Variants in ZNF792 observed in about 807,000 individuals in gnomAD.
ZNF792 encodes zinc finger protein 792.
A neutral mutation model predicts 13.1 loss-of-function variants in ZNF792; 14 were observed. The ratio of observed to expected loss-of-function variants is 1.07; its 90% confidence interval spans 0.71 to 1.67. ZNF792 has a LOEUF of 1.67. ZNF792 is among the 40% of genes most tolerant of loss of function. The pLI, the probability that ZNF792 is intolerant of heterozygous loss-of-function variation, is 0.00. For missense variants in ZNF792, 740 were observed against 807.9 expected, an observed-to-expected ratio of 0.92 and a Z score of 1.02; for synonymous variants, 257 against 292.0, an observed-to-expected ratio of 0.88 and a Z score of 1.22.
At chr19:34,959,601 G>A (rs117383413) in intron 3 of ZNF792, 30 bp from the exon 4 acceptor site, 15,674 of 1,513,030 alleles carry the variant, frequency 0.01, 121 homozygotes, top group South Asian at 0.024. Context: ...GGTGAAGTTC[G>A]TATAAACTTT....
intron 3 of ZNF792, among the ~76,000 whole-genome samples, chr19:34,959,928 G>C (rs901916316): frequency 3.3e-5 from 5 of 152,178 alleles, no homozygotes; most frequent in Admixed American, 2.0e-4. Context: ...CTGAGTAGCT[G>C]GTGTTCAAGC....
At chr19:34,960,379 T>C (rs371919949) in intron 2 of ZNF792, 22 bp from the exon 3 acceptor site, 1 of 1,609,350 alleles carries the variant, frequency 6.2e-7, no homozygotes, top group Non-Finnish European at 8.5e-7. Context: ...ACAGAGTGGG[T>C]CAGTGGCCAG....
Position 34,958,041 on chromosome 19 carries a change from C to G in ZNF792, c.1814G>C (p.Ser605Thr), listed in dbSNP as rs201800628. ...GCCCTGATAAGGTCTGTTCTCAGAG[C>G]TTATCTCTGGTGTGTGCTGTGAACA... is the stretch of plus-strand genomic sequence containing the variant. ...LPCSQHTPEISSENRPYQGAV... is the reference protein window; with the variant it reads ...LPCSQHTPEITSENRPYQGAV... The change falls in exon 4 of 4, where the codon AGC becomes ACC. Residue 605 changes from serine (S) to threonine (T), a missense_variant. Ser to Thr is a moderately conservative substitution (Grantham distance 58). Transcript: ENST00000404801. 4.4e-3 allele frequency: 7,142 copies of G among 1,612,892 alleles called. 320 individuals carry two copies. In the South Asian group the frequency reaches 0.07, roughly 16 times the overall value.
intron 1 of ZNF792, among the ~76,000 whole-genome samples, chr19:34,962,146 A>G (rs987306118): frequency 9.9e-5 from 15 of 152,088 alleles, no homozygotes; most frequent in African/African-American, 1.9e-4. Context: ...CATTGTCACC[A>G]TGACCTGAAG....
chr19:34,959,213 C>T lies in ZNF792; in HGVS notation c.642G>A (p.Glu214=). Residue 214 remains glutamate, a synonymous_variant, in exon 4 of 4, where the codon GAG becomes GAA. Transcript: ENST00000404801. ...CTGTGGCCACAAAGTCCTTCCCACCCTCCCTGCAGGTGGAAAGCTGATCTG... is the reference window on the plus strand; with the variant it reads ...CTGTGGCCACAAAGTCCTTCCCACCTTCCCTGCAGGTGGAAAGCTGATCTG... ...HTSDQLSTCR[E]GGKDFVATAG... The T allele has an allele frequency of 6.2e-7, 1 of 1,614,048 alleles. No individual in the cohort carries two copies. Among genetic ancestry groups the T allele is most frequent in the Non-Finnish European group, 8.5e-7 (1 of 1,179,900 alleles).
At chr19:34,961,469 G>C (rs562843240) in intron 1 of ZNF792, among the ~76,000 whole-genome samples, 218 of 152,222 alleles carry the variant, frequency 1.4e-3, no homozygotes, top group African/African-American at 4.9e-3. Context: ...GAGTCACTCT[G>C]CACATGGCAT....
Position 34,963,673 on chromosome 19 carries a change from G to T in ZNF792, c.-11C>A. The T allele has an allele frequency of 6.3e-7, 1 of 1,598,368 alleles. No homozygotes were observed. Among genetic ancestry groups the T allele is most frequent in the Non-Finnish European group, 8.5e-7 (1 of 1,173,458 alleles). On this transcript the variant is annotated 5_prime_UTR_variant, in exon 1 of 4. Coordinates refer to ENST00000404801, the MANE Select transcript of ZNF792 (RefSeq NM_175872.5). Reference sequence around the variant, plus strand: ...CGCCGCCGCTGCCATCGGAGTCTGTGGTCAGAGCAGGGCCCCACGGTGCGG... The same window carrying T: ...CGCCGCCGCTGCCATCGGAGTCTGTTGTCAGAGCAGGGCCCCACGGTGCGG...
intron 3 of ZNF792, 108 bp downstream of exon 3, chr19:34,960,127 T>C (rs910798803): frequency 6.8e-7 from 1 of 1,471,878 alleles, no homozygotes; most frequent in Non-Finnish European, 9.3e-7. Flanking sequence ...AGACGTGGTC[T>C]GGCTACTGGC....
Position 34,959,156 on chromosome 19 carries a change from G to A in ZNF792, c.699C>T (p.Ser233=), listed in dbSNP as rs138344206. 4.4e-5 allele frequency: 71 copies of A among 1,613,822 alleles called. No individual in the cohort carries two copies. In the African/African-American group the frequency reaches 7.3e-4, roughly 17 times the overall value. Residue 233 remains serine (S), a synonymous_variant, in exon 4 of 4, where the codon AGC becomes AGT. Transcript: ENST00000404801. The stretch of plus-strand genomic sequence containing the variant: ...CGGTGGCCTCGTGCGGCTCCCCATC[G>A]CTGGGAGTGACCTCACACTGCAGAA... ...AGFLQCEVTP[S]DGEPHEATEG...
In ZNF792 at chr19:34,964,101, G is replaced by A. The variant is rs2013573248; in HGVS notation, c.-439C>T. 6.0e-6 allele frequency: 1 copy of A among 166,284 alleles called. No individual in the cohort carries two copies. Among genetic ancestry groups the A allele is most frequent in the Admixed American group, 6.4e-5 (1 of 15,698 alleles). 10.3% of individuals were successfully genotyped at this position (166,284 alleles called of 1,614,324 possible). Reference sequence around the variant, plus strand: ...TGCAGGAAGTTCCGGCCCCCACCGTGGCGGCCGGGAGAGTTGCCCTCTCCC... The same window carrying A: ...TGCAGGAAGTTCCGGCCCCCACCGTAGCGGCCGGGAGAGTTGCCCTCTCCC... On this transcript the variant is annotated 5_prime_UTR_variant, in exon 1 of 4. Coordinates refer to ENST00000404801, the MANE Select transcript of ZNF792 (RefSeq NM_175872.5).
chr19:34,960,817 G>C, intron 2 of ZNF792, 51 bp downstream of exon 2: 1 of 1,613,076 alleles, frequency 6.2e-7, no homozygotes, highest in Non-Finnish European at 8.5e-7. Context: ...TTGGGCAAAG[G>C]GGACAGGCAG....
rs747377749 is a variant in ZNF792 at position 34,959,085 on chromosome 19, C to T, written c.770G>A (p.Cys257Tyr). Residue 257 changes from cysteine to tyrosine, a missense_variant, in exon 4 of 4, where the codon TGT (cysteine) becomes TAT (tyrosine). Transcript: ENST00000404801. ...GTTATTGAAGGCATCCCCAGATTCA[C>T]AGCACTTGTTATGCCTTAGTGCAAT... ...FHIALRHNKCCESGDAFNNKS... is the reference protein window; with the variant it reads ...FHIALRHNKCYESGDAFNNKS... 1.2e-6 allele frequency: 2 copies of T among 1,614,188 alleles called. No individual in the cohort carries two copies. Among genetic ancestry groups the T allele is most frequent in the South Asian group, 2.2e-5 (2 of 91,086 alleles).
chr19:34,959,176 G>T lies in ZNF792; in HGVS notation c.679C>A (p.Gln227Lys). 1 of 1,614,014 alleles carries T rather than the reference G, an allele frequency of 6.2e-7. No homozygotes were observed. Reference sequence around the variant, plus strand: ...CCATCGCTGGGAGTGACCTCACACTGCAGAAACCCTGCTGTGGCCACAAAG... The same window carrying T: ...CCATCGCTGGGAGTGACCTCACACTTCAGAAACCCTGCTGTGGCCACAAAG... Reference protein sequence around the residue: ...KDFVATAGFLQCEVTPSDGEP... With the variant: ...KDFVATAGFLKCEVTPSDGEP... The change falls in exon 4 of 4, where the codon CAG becomes AAG. Residue 227 changes from glutamine (Q) to lysine (K), a missense_variant. Transcript: ENST00000404801.
chr19:34,958,300 A>G lies in ZNF792; in HGVS notation c.1555T>C (p.Ser519Pro). The G allele has an allele frequency of 1.2e-6, 2 of 1,607,062 alleles. No individual in the cohort carries two copies. Among genetic ancestry groups the G allele is most frequent in the Non-Finnish European group, 1.7e-6 (2 of 1,177,708 alleles). The change falls in exon 4 of 4, where the codon TCC (serine) becomes CCC (proline). Residue 519 changes from serine to proline, a missense_variant. Ser to Pro is a moderately conservative substitution (Grantham distance 74). Coordinates refer to ENST00000404801, the MANE Select transcript of ZNF792 (RefSeq NM_175872.5). Reference protein sequence around the residue: ...SECGKFFNQSSSLNNHRRLHT... With the variant: ...SECGKFFNQSPSLNNHRRLHT... The stretch of plus-strand genomic sequence containing the variant: ...AGTCTCCGGTGGTTATTGAGGCTGG[A>G]GCTTTGGTTAAAGAATTTCCCACAT...
Position 34,959,324 on chromosome 19 carries a change from C to G in ZNF792, c.531G>C (p.Arg177=). The change falls in exon 4 of 4, where the codon CGG becomes CGC. Residue 177 remains arginine, a synonymous_variant. Transcript: ENST00000404801. The part of the protein sequence containing the change: ...KGSEFSANLP[R]KQVQQNVHNP... ...TGTGTACGTTCTGCTGCACCTGTTT[C>G]CGGGGAAGGTTTGCACTGAACTCAG... is the stretch of plus-strand genomic sequence containing the variant. 6.2e-7 allele frequency: 1 copy of G among 1,613,978 alleles called. No individual in the cohort carries two copies. The highest frequency in any genetic ancestry group is 1.7e-5 in the Admixed American group (1 of 60,022).
chr19:34,959,669 G>C (rs1357850446), intron 3 of ZNF792, 98 bp from the exon 4 acceptor site: 3 of 1,321,294 alleles, frequency 2.3e-6, no homozygotes, highest in African/African-American at 3.0e-5. Flanking sequence ...AAGCCCATGG[G>C]ATTGTTGGCA....
Position 34,960,963 on chromosome 19 carries a change from T to C in ZNF792, c.65A>G (p.Tyr22Cys). 6.2e-7 allele frequency: 1 copy of C among 1,613,838 alleles called. No individual in the cohort carries two copies. Among genetic ancestry groups the C allele is most frequent in the South Asian group, 1.1e-5 (1 of 91,066 alleles). The change falls in exon 2 of 4, where the codon TAC (tyrosine) becomes TGC (cysteine). Residue 22 changes from tyrosine (Y) to cysteine (C), a missense_variant. Tyr to Cys is a radical substitution (Grantham distance 194, BLOSUM62 -2). Transcript: ENST00000404801. Reference protein sequence around the residue: ...GCVTFEDVTIYFSQEEWVLLD... With the variant: ...GCVTFEDVTICFSQEEWVLLD... ...GAGCACCCACTCCTCCTGGGAGAAGTAAATGGTCACGTCCTCAAAGGTCAC... is the reference window on the plus strand; with the variant it reads ...GAGCACCCACTCCTCCTGGGAGAAGCAAATGGTCACGTCCTCAAAGGTCAC...
chr19:34,961,234 C>T (rs988771180), intron 1 of ZNF792, among the ~76,000 whole-genome samples: 2 of 152,126 alleles, frequency 1.3e-5, no homozygotes, highest in African/African-American at 4.8e-5. Flanking sequence ...CCAGCCTCTT[C>T]CCCTAGTGTC....
chr19:34,958,579 C>G lies in ZNF792; in HGVS notation c.1276G>C (p.Glu426Gln), dbSNP rs375658175. 1 of 1,603,942 alleles carries G rather than the reference C, an allele frequency of 6.2e-7. No homozygotes were observed. Among genetic ancestry groups the G allele is most frequent in the Non-Finnish European group, 8.5e-7 (1 of 1,174,062 alleles). ...HTGERPYKCN[E>Q]CGKFFSHIAS... ...ATGTGGCTGAAGAATTTCCCACATT[C>G]GTTACACTTGTAAGGTCTTTCTCCA... The change falls in exon 4 of 4, where the codon GAA becomes CAA. Residue 426 changes from glutamate (E) to glutamine (Q), a missense_variant. Physicochemically the swap from Glu to Gln is conservative, Grantham distance 29. Transcript: ENST00000404801.
Sources: gnomAD v4.1 joint callset for allele counts (sites outside exome capture counted in the v4.1 genomes callset) on GRCh38, gnomAD v4.1.1 for gene constraint, MANE v1.5 for transcripts, NCBI Gene and HGNC (gene_info 2026-07-23, HGNC 2026-07-21) for gene names.